Variants in DYRK1B observed in about 807,000 individuals in gnomAD.
DYRK1B encodes the protein dual specificity tyrosine phosphorylation regulated kinase 1B.
DYRK1B carries 20 observed loss-of-function variants against 57.1 expected under a neutral mutation model. That is an observed-to-expected ratio of 0.35 (90% CI 0.25 to 0.51). The LOEUF (loss-of-function observed/expected upper bound fraction) is 0.51, where lower values mean the gene tolerates loss of function less well. Ranked by LOEUF, DYRK1B falls within the 20% of genes least tolerant of loss-of-function variation. DYRK1B has a pLI of 0.96. For missense variants in DYRK1B, 732 were observed against 886.3 expected (o/e 0.83, Z 2.21); for synonymous variants, 409 against 384.7 (o/e 1.06, Z -0.74).
intron 2 of DYRK1B, among the ~76,000 whole-genome samples, chr19:39,831,531 G>A (rs1053625319): frequency 2.0e-5 from 3 of 152,136 alleles, no homozygotes; most frequent in African/African-American, 7.2e-5. Flanking sequence ...TGTGAAGTAG[G>A]TATCATTATT....
At position 39,827,159 on chromosome 19, in the gene DYRK1B, G is replaced by A. The variant is rs907687503; in HGVS notation, c.1095+126C>T. Reference sequence around the variant, plus strand: ...GAGATGGGGTGGGCAGGGGAGGAAGGAAAGGACAGACAAGGGGGAGTGGAA... The same window carrying A: ...GAGATGGGGTGGGCAGGGGAGGAAGAAAAGGACAGACAAGGGGGAGTGGAA... On this transcript the variant is annotated intron_variant, in intron 8 of 10. Coordinates refer to ENST00000323039, the MANE Select transcript of DYRK1B (RefSeq NM_004714.3). 2.3e-5 allele frequency: 31 copies of A among 1,324,246 alleles called. No individual in the cohort carries two copies. In the East Asian group the frequency reaches 7.5e-4, roughly 32 times the overall value. 82.0% of individuals were successfully genotyped at this position (1,324,246 alleles called of 1,614,324 possible). A position where few individuals can be genotyped will look rare whatever the true frequency, so the allele number is the denominator to read the frequency against.
At chr19:39,827,813 C>T (rs1328000298) in intron 6 of DYRK1B, among the ~76,000 whole-genome samples, 157 bp from the exon 7 acceptor site, 1 of 152,060 alleles carries the variant, frequency 6.6e-6, no homozygotes, top group Non-Finnish European at 1.5e-5. Context: ...TTTCTGGGAG[C>T]CACTGGTGCC....
At chr19:39,831,773 C>A (rs1200260911) in intron 2 of DYRK1B, 32 bp downstream of exon 2, 8 of 1,549,130 alleles carry the variant, frequency 5.2e-6, no homozygotes, top group Non-Finnish European at 7.0e-6. Context: ...CCCCCTACCA[C>A]CACGCAGGTG....
In DYRK1B at chr19:39,832,913, T is replaced by C. The variant is rs1423912692; in HGVS notation, c.-101-945A>G. On this transcript the variant is annotated intron_variant, in intron 1 of 10. Coordinates refer to ENST00000323039, the MANE Select transcript of DYRK1B (RefSeq NM_004714.3). ...TTAGAGTGATCATCCTTTTCTCCCC[T>C]ACACTGCTTCCTTGCCCCCCTACAC... 7.8e-5 allele frequency: 77 copies of C among 984,918 alleles called. 1 individual carries two copies. The Admixed American group carries it at 4.6e-3, about 59-fold the overall frequency. 61.0% of individuals were successfully genotyped at this position (984,918 alleles called of 1,614,324 possible). A position where few individuals can be genotyped will look rare whatever the true frequency, so the allele number is the denominator to read the frequency against.
At chr19:39,833,789 G>A (rs1370118803) in intron 1 of DYRK1B, among the ~76,000 whole-genome samples, 1 of 152,186 alleles carries the variant, frequency 6.6e-6, no homozygotes, top group Non-Finnish European at 1.5e-5. Flanking sequence ...ACAAAGGGCG[G>A]GAGTGGGGCC....
chr19:39,826,157 C>A lies in DYRK1B; in HGVS notation c.1518+23G>T. ...AGCCCCAGGCACCACCACCCACCTC[C>A]AAAGCCCCCAAAGCCCCATTACCTG... is the stretch of plus-strand genomic sequence containing the variant. On this transcript the variant is annotated intron_variant, in intron 10 of 10. Transcript: ENST00000323039. The surrounding 1 kb of genome is among the most constrained non-coding windows in gnomAD (Gnocchi z 6.3). The A allele has an allele frequency of 6.3e-7, 1 of 1,595,498 alleles. No homozygotes were observed.
rs1968490288 is a variant in DYRK1B at position 39,825,628 on chromosome 19, G to A, written c.*87C>T. ...CCCCAGCTGGGTAGCAGCAATTCCA[G>A]TCAAGGAGAGAGATGAGGATGGGAG... On this transcript the variant is annotated 3_prime_UTR_variant, in exon 11 of 11. Transcript: ENST00000323039. 7.2e-6 allele frequency: 10 copies of A among 1,394,178 alleles called. No homozygotes were observed. Among genetic ancestry groups the A allele is most frequent in the South Asian group, 2.5e-5 (2 of 79,362 alleles). The allele number at this position is 1,394,178 out of a possible 1,614,324, so 86.4% of individuals were successfully genotyped here.
At position 39,826,699 on chromosome 19, in the gene DYRK1B, T is replaced by C; in HGVS notation, c.1384A>G (p.Ser462Gly). Residue 462 changes from serine to glycine, a missense_variant, in exon 9 of 11, where the codon AGC becomes GGC. Physicochemically the swap from Ser to Gly is moderately conservative, Grantham distance 56. Around this residue, in one of 2 missense-constraint regions of DYRK1B, gnomAD observed 510 missense variants for 681.3 expected, o/e 0.75. Coordinates refer to ENST00000323039, the MANE Select transcript of DYRK1B (RefSeq NM_004714.3). The surrounding 1 kb of genome is among the most constrained non-coding windows in gnomAD (Gnocchi z 6.3). ...GAACTGGAGATGGAGCTGGCGGTGC[T>C]GGAAGAGGGGCAGGTGTCGAGGGGC... Reference protein sequence around the residue: ...PAPLDTCPSSSTASSISSSGG... With the variant: ...PAPLDTCPSSGTASSISSSGG... The C allele has an allele frequency of 1.2e-6, 2 of 1,605,052 alleles. No homozygotes were observed. Among genetic ancestry groups the C allele is most frequent in the Non-Finnish European group, 1.7e-6 (2 of 1,176,830 alleles).
rs1033741194 is a variant in DYRK1B at position 39,825,874 on chromosome 19, T to C, written c.1731A>G (p.Pro577=). ...GCTGGGGGGCAGGCGCTGGGTGAGG[T>C]GGGGAGCAGTCAGCAGGGCCGCCCA... ...SLVGGPADCS[P]PHPAPAPQHP... is the part of the protein sequence containing the mutation. The change falls in exon 11 of 11, where the codon CCA becomes CCG. Residue 577 remains proline, a synonymous_variant. Coordinates refer to ENST00000323039, the MANE Select transcript of DYRK1B (RefSeq NM_004714.3). The C allele has an allele frequency of 1.6e-5, 26 of 1,589,248 alleles. No homozygotes were observed. The highest frequency in any genetic ancestry group is 2.2e-5 in the Non-Finnish European group (26 of 1,170,174).
At chr19:39,832,139 G>C (rs1224648294) in intron 1 of DYRK1B, among the ~76,000 whole-genome samples, 171 bp from the exon 2 acceptor site, 1 of 42,328 alleles carries the variant, frequency 2.4e-5, no homozygotes, top group South Asian at 5.0e-4. Flanking sequence ...GTAGCCAGGT[G>C]GGGGGGGATG....
At position 39,830,108 on chromosome 19, in the gene DYRK1B, A is replaced by C; in HGVS notation, c.373-81T>G. The C allele has an allele frequency of 3.2e-6, 5 of 1,540,604 alleles. No homozygotes were observed. In the South Asian group the frequency reaches 6.0e-5, roughly 19 times the overall value. On this transcript the variant is annotated intron_variant, in intron 4 of 10. Coordinates refer to ENST00000323039, the MANE Select transcript of DYRK1B (RefSeq NM_004714.3). ...ACCATTCTTCTCCCTCCAGGCAAGG[A>C]GACCCACCAAGAACACTATGCATAC... is the stretch of plus-strand genomic sequence containing the variant.
At chr19:39,827,192 A>T (rs1157794224) in intron 8 of DYRK1B, 93 bp downstream of exon 8, 1 of 1,464,112 alleles carries the variant, frequency 6.8e-7, no homozygotes, top group Non-Finnish European at 9.2e-7. Flanking sequence ...GAAGGAAGGG[A>T]AAGACACAAG....
At chr19:39,827,102 A>G in intron 8 of DYRK1B, 115 bp from the exon 9 acceptor site, 2 of 1,190,180 alleles carry the variant, frequency 1.7e-6, no homozygotes, top group Non-Finnish European at 2.3e-6. Flanking sequence ...AAGAAAAGCT[A>G]AGAAGAGTTG....
intron 2 of DYRK1B, 43 bp from the exon 3 acceptor site, chr19:39,830,826 A>G (rs1968777922): frequency 1.3e-6 from 2 of 1,567,174 alleles, no homozygotes; most frequent in Non-Finnish European, 1.7e-6. Flanking sequence ...ACGTGCCTTC[A>G]CCTCCGACCT....
Position 39,825,669 on chromosome 19 carries a change from T to G in DYRK1B, c.*46A>C, listed in dbSNP as rs1409130403. 8.1e-6 allele frequency: 12 copies of G among 1,489,100 alleles called. No homozygotes were observed. The highest frequency in any genetic ancestry group is 2.6e-5 in the East Asian group (1 of 38,648). 92.2% of individuals were successfully genotyped at this position (1,489,100 alleles called of 1,614,324 possible). ...AGGATGGGAGCCCAGGGCCCCCAGA[T>G]GGGGGAGGGTATGGCTTCAGGAGGG... On this transcript the variant is annotated 3_prime_UTR_variant, in exon 11 of 11. Transcript: ENST00000323039.
Position 39,826,566 on chromosome 19 carries a change from C to T in DYRK1B, c.1411+106G>A. The T allele has an allele frequency of 8.0e-7, 1 of 1,248,486 alleles. No individual in the cohort carries two copies. The highest frequency in any genetic ancestry group is 1.6e-5 in the South Asian group (1 of 62,414). 77.3% of individuals were successfully genotyped at this position (1,248,486 alleles called of 1,614,324 possible). ...CACACGTCATCTTACAGTTCAGGAT[C>T]AGTTTCGGCGCTTTGTGTGAAGACC... On this transcript the variant is annotated intron_variant, in intron 9 of 10. Transcript: ENST00000323039. The surrounding 1 kb of genome is among the most constrained non-coding windows in gnomAD (Gnocchi z 6.3).
At chr19:39,833,048 C>T (rs1254032448) in intron 1 of DYRK1B, 1 of 985,410 alleles carries the variant, frequency 1.0e-6, no homozygotes, top group East Asian at 1.1e-4. Context: ...AAAGTCAAAT[C>T]CCCAAGTTAT....
Position 39,826,581 on chromosome 19 carries a change from G to C in DYRK1B, c.1411+91C>G. 1 of 1,359,358 alleles carries C rather than the reference G, an allele frequency of 7.4e-7. No homozygotes were observed. Among genetic ancestry groups the C allele is most frequent in the East Asian group, 2.7e-5 (1 of 36,638 alleles). 84.2% of individuals were successfully genotyped at this position (1,359,358 alleles called of 1,614,324 possible). On this transcript the variant is annotated intron_variant, in intron 9 of 10. Transcript: ENST00000323039. The surrounding 1 kb of genome is among the most constrained non-coding windows in gnomAD (Gnocchi z 6.3). ...AGTTCAGGATCAGTTTCGGCGCTTT[G>C]TGTGAAGACCCAGTAACCAGGTCCC...
chr19:39,829,989 C>A lies in DYRK1B; in HGVS notation c.411G>T (p.Val137=). The stretch of plus-strand genomic sequence containing the variant: ...TTTTGTTCTTGATGATCTTGATGGC[C>A]ACAAGCTCCTGGGTCTGATGATCAT... ...KAYDHQTQEL[V]AIKIIKNKKA... is the part of the protein sequence containing the mutation. The change falls in exon 5 of 11, where the codon GTG becomes GTT. Residue 137 remains valine, a synonymous_variant. Transcript: ENST00000323039. The A allele has an allele frequency of 6.2e-7, 1 of 1,614,042 alleles. No individual in the cohort carries two copies. Among genetic ancestry groups the A allele is most frequent in the Non-Finnish European group, 8.5e-7 (1 of 1,180,014 alleles).
Sources: allele counts gnomAD v4.1 joint callset (sites outside exome capture counted in the v4.1 genomes callset), GRCh38; gene constraint gnomAD v4.1.1; regional missense constraint gnomAD v4.1.1; non-coding constraint Gnocchi (gnomAD v3.1); transcripts MANE v1.5; gene names NCBI Gene and HGNC (gene_info 2026-07-23, HGNC 2026-07-21).